CORO2B: variants seen among roughly 807,000 people sequenced by gnomAD.
CORO2B encodes the protein coronin 2B, also known as coronin-2B.
Under a neutral mutation model 58.8 loss-of-function variants are expected in CORO2B, and 26 were observed. The observed-to-expected ratio is 0.44, with a 90% CI of 0.32 to 0.61. The LOEUF (loss-of-function observed/expected upper bound fraction) is 0.61, where lower values mean the gene tolerates loss of function less well. CORO2B is among the 20% of genes least tolerant of loss of function. The pLI is 0.04. For missense variants in CORO2B, 460 were observed against 645.1 expected (o/e 0.71, Z 3.11); for synonymous variants, 242 against 253.8 (o/e 0.95, Z 0.44).
At chr15:68,690,910 C>T (rs892123419) in intron 2 of CORO2B, among the ~76,000 whole-genome samples, 9 of 141,232 alleles carry the variant, frequency 6.4e-5, no homozygotes, top group Non-Finnish European at 9.4e-5. Flanking sequence ...CTGCCTTGGC[C>T]TCCCAAAGTG....
the CORO2B span, among the ~76,000 whole-genome samples, chr15:68,524,266 T>C: frequency 3.3e-4 from 51 of 152,270 alleles, no homozygotes; most frequent in African/African-American, 1.2e-3. Flanking sequence ...TTTATTTCAC[T>C]AGAAACTTTG....
At chr15:68,643,583 T>G (rs1188673486) in intron 1 of CORO2B, among the ~76,000 whole-genome samples, 1 of 151,928 alleles carries the variant, frequency 6.6e-6, no homozygotes, top group East Asian at 1.9e-4. Flanking sequence ...CCTTGGGAAG[T>G]GGAGAAGAGG....
At chr15:68,699,268 A>T (rs1892585670) in intron 3 of CORO2B, among the ~76,000 whole-genome samples, 1 of 152,116 alleles carries the variant, frequency 6.6e-6, no homozygotes, top group Non-Finnish European at 1.5e-5. Flanking sequence ...CTTTGCAGCG[A>T]GACTTGTGCT....
chr15:68,608,376 C>A (rs1900173018), intron 1 of CORO2B, among the ~76,000 whole-genome samples: 1 of 152,234 alleles, frequency 6.6e-6, no homozygotes, highest in African/African-American at 2.4e-5. Context: ...CTCCCCCACA[C>A]TGTGGTCCCC....
chr15:68,712,168 A>AGGAAGGGGTTAAGTGCCATTT (rs1892935361), intron 5 of CORO2B, among the ~76,000 whole-genome samples: 1 of 152,164 alleles, frequency 6.6e-6, no homozygotes, highest in African/African-American at 2.4e-5. Context: ...CTTGGGTTTG[A>AGGAAGGGGTTAAGTGCCATTT]GGAAGGGGTT....
intron 1 of CORO2B, among the ~76,000 whole-genome samples, chr15:68,581,499 C>G (rs1178713697): frequency 6.6e-6 from 1 of 152,078 alleles, no homozygotes; most frequent in Non-Finnish European, 1.5e-5. Context: ...AAGGCCTGGC[C>G]CCTAGTCCTA....
the CORO2B span, among the ~76,000 whole-genome samples, chr15:68,544,014 C>T: frequency 1.2e-4 from 19 of 152,314 alleles, no homozygotes; most frequent in South Asian, 3.7e-3. Context: ...AATATCTGTC[C>T]TAGTCCTTCC....
At chr15:68,701,851 G>C (rs1274111217) in intron 3 of CORO2B, among the ~76,000 whole-genome samples, 1 of 152,152 alleles carries the variant, frequency 6.6e-6, no homozygotes, top group Non-Finnish European at 1.5e-5. Flanking sequence ...CTCGGGCTCT[G>C]AGAACTAGAT....
At chr15:68,608,936 AAG>A (rs35903286) in intron 1 of CORO2B, among the ~76,000 whole-genome samples, 22,917 of 151,784 alleles carry the variant, frequency 0.15, 1,913 homozygotes, top group African/African-American at 0.22. Context: ...GGGTACTAGG[AAG>A]AGAGAGAGAG....
chr15:68,523,763 T>C, the CORO2B span, among the ~76,000 whole-genome samples: 3 of 152,194 alleles, frequency 2.0e-5, no homozygotes, highest in African/African-American at 7.2e-5. Flanking sequence ...TCTGCTTCTT[T>C]GTGGGTAAAC....
chr15:68,683,975 G>A (rs999045984), intron 2 of CORO2B, among the ~76,000 whole-genome samples: 1 of 151,284 alleles, frequency 6.6e-6, no homozygotes, highest in Non-Finnish European at 1.5e-5. Flanking sequence ...GGCTTATAAG[G>A]TCTAGATAGT....
intron 1 of CORO2B, among the ~76,000 whole-genome samples, chr15:68,631,575 A>C (rs988988289): frequency 2.0e-5 from 3 of 152,130 alleles, no homozygotes; most frequent in African/African-American, 7.2e-5. Context: ...CAACCTTTAG[A>C]CTTCCTGTGC....
At chr15:68,530,497 G>A in the CORO2B span, among the ~76,000 whole-genome samples, 2 of 152,050 alleles carry the variant, frequency 1.3e-5, no homozygotes, top group African/African-American at 4.8e-5. Context: ...TGGTGATATT[G>A]CTCAAGTCTT....
chr15:68,591,901 C>T (rs1292156068), intron 1 of CORO2B, among the ~76,000 whole-genome samples: 5 of 152,166 alleles, frequency 3.3e-5, no homozygotes, highest in East Asian at 3.9e-4. Flanking sequence ...TCAGGAGCTC[C>T]TGCCTAAACC....
the CORO2B span, among the ~76,000 whole-genome samples, chr15:68,539,073 C>G: frequency 6.6e-6 from 1 of 152,128 alleles, no homozygotes; most frequent in Non-Finnish European, 1.5e-5. Flanking sequence ...ATTTAATGCC[C>G]ACAGGCTTCT....
intron 2 of CORO2B, among the ~76,000 whole-genome samples, chr15:68,684,035 C>A (rs1395995515): frequency 6.6e-6 from 1 of 152,156 alleles, no homozygotes; most frequent in Admixed American, 6.5e-5. Flanking sequence ...ATCAGAGCTG[C>A]ATCCTAGGAA....
chr15:68,628,780 G>A (rs1033806303), intron 1 of CORO2B, among the ~76,000 whole-genome samples: 5 of 152,156 alleles, frequency 3.3e-5, no homozygotes, highest in Admixed American at 1.3e-4. Flanking sequence ...TGCCTCCTCC[G>A]GAGTCTACAT....
chr15:68,549,091 C>A, the CORO2B span, among the ~76,000 whole-genome samples: 3 of 152,084 alleles, frequency 2.0e-5, no homozygotes, highest in Non-Finnish European at 4.4e-5. Context: ...TTTCTTATTA[C>A]GTGAGCAATA....
At chr15:68,692,242 G>C (rs11852724) in intron 2 of CORO2B, among the ~76,000 whole-genome samples, 33,806 of 152,022 alleles carry the variant, frequency 0.22, 3,935 homozygotes, top group Middle Eastern at 0.25. Flanking sequence ...TAAAGATAAC[G>C]TGCGTAACCC....
Sources: allele counts gnomAD v4.1 joint callset (sites outside exome capture counted in the v4.1 genomes callset), GRCh38; gene constraint gnomAD v4.1.1; transcripts MANE v1.5; gene names NCBI Gene and HGNC (gene_info 2026-07-23, HGNC 2026-07-21).